NCOA2: variants seen among roughly 807,000 people sequenced by gnomAD.
NCOA2 encodes the protein class E basic helix-loop-helix protein 75.
Under a neutral mutation model 145.1 loss-of-function variants are expected in NCOA2, and 21 were observed. The ratio of observed to expected loss-of-function variants is 0.14; its 90% CI spans 0.10 to 0.21. The LOEUF (loss-of-function observed/expected upper bound fraction) is 0.21. Ranked by LOEUF, NCOA2 falls within the 10% of genes least tolerant of loss-of-function variation. The pLI is 1.00. For missense variants in NCOA2, 1,472 were observed against 1,837.6 expected (o/e 0.80, Z 3.64); for synonymous variants, 619 against 637.5 (o/e 0.97, Z 0.44).
rs538620050 is a variant in NCOA2, at chr8:70,218,086, C to T, written c.-19-1322G>A. Reference sequence around the variant, plus strand: ...GCAAGGAGGGCTAAGGAACATAACGCGTACCAGTCAAACCGCCAGGCCACT... The same window carrying T: ...GCAAGGAGGGCTAAGGAACATAACGTGTACCAGTCAAACCGCCAGGCCACT... On this transcript the variant is annotated intron_variant, in intron 2 of 22. Transcript: ENST00000452400. 9.2e-4 allele frequency among the ~76,000 whole-genome samples: 140 copies of T among 152,104 alleles called. 1 individual carries two copies. The highest frequency in any genetic ancestry group is 3.0e-3 in the African/African-American group (125 of 41,494).
chr8:70,341,678 G>T (rs1318279160), intron 1 of NCOA2, among the ~76,000 whole-genome samples: 1 of 152,078 alleles, frequency 6.6e-6, no homozygotes, highest in Non-Finnish European at 1.5e-5. Flanking sequence ...CTCTTATTTA[G>T]TACTTAAAAT....
At chr8:70,378,570 A>G (rs1464665494) in intron 1 of NCOA2, among the ~76,000 whole-genome samples, 1 of 152,040 alleles carries the variant, frequency 6.6e-6, no homozygotes, top group Admixed American at 6.6e-5. Context: ...AGCAACTCCA[A>G]ATATAGTTTC....
chr8:70,397,836 C>T (rs1485939726), intron 1 of NCOA2, among the ~76,000 whole-genome samples: 3 of 152,172 alleles, frequency 2.0e-5, no homozygotes, highest in African/African-American at 2.4e-5. Flanking sequence ...ATTTCAACCC[C>T]ATTTTCAGGG....
intron 2 of NCOA2, among the ~76,000 whole-genome samples, chr8:70,263,807 C>T (rs1824346003): frequency 6.6e-6 from 1 of 151,948 alleles, no homozygotes; most frequent in Admixed American, 6.6e-5. Context: ...AAGAAGGAAT[C>T]AGAATGGCCA....
At chr8:70,442,302 A>G in the NCOA2 span, among the ~76,000 whole-genome samples, 1 of 152,332 alleles carries the variant, frequency 6.6e-6, no homozygotes, top group African/African-American at 2.4e-5. Flanking sequence ...CTAGATGTAT[A>G]GAAGTAAACT....
chr8:70,326,471 ATG>A (rs1491066163), intron 1 of NCOA2, among the ~76,000 whole-genome samples: 18 of 149,326 alleles, frequency 1.2e-4, no homozygotes, highest in Admixed American at 6.0e-4. Flanking sequence ...ACACACACAC[ATG>A]CACACACACA....
chr8:70,197,205 G>T (rs1200531233), intron 4 of NCOA2, among the ~76,000 whole-genome samples: 1 of 152,062 alleles, frequency 6.6e-6, no homozygotes, highest in Non-Finnish European at 1.5e-5. Flanking sequence ...ATATACTCCC[G>T]GAGATCAAAA....
chr8:70,167,507 T>C (rs2132550922), intron 6 of NCOA2, among the ~76,000 whole-genome samples: 1 of 152,298 alleles, frequency 6.6e-6, no homozygotes, highest in South Asian at 2.1e-4. Flanking sequence ...TACTCCCCCA[T>C]ACTGCCTCCT....
chr8:70,170,266 T>C lies in NCOA2; in HGVS notation c.477A>G (p.Val159=), dbSNP rs1814100923. The change falls in exon 6 of 23, where the codon GTA becomes GTG. Residue 159 remains valine, a synonymous_variant. Transcript: ENST00000452400. ...GGTCCCCAACATGCAAGATGCTATATACACTTTTGTTCATCAGCTCTTCTT... is the reference window on the plus strand; with the variant it reads ...GGTCCCCAACATGCAAGATGCTATACACACTTTTGTTCATCAGCTCTTCTT... ...YNQEELMNKS[V]YSILHVGDHT... 1 of 1,613,106 alleles carries C rather than the reference T, an allele frequency of 6.2e-7. No homozygotes were observed. Among genetic ancestry groups the C allele is most frequent in the Non-Finnish European group, 8.5e-7 (1 of 1,179,610 alleles).
intron 1 of NCOA2, among the ~76,000 whole-genome samples, chr8:70,374,428 C>T (rs943752157): frequency 3.0e-4 from 45 of 150,722 alleles, no homozygotes; most frequent in African/African-American, 9.8e-4. Flanking sequence ...GCTAAGATCA[C>T]GCCACAGCAT....
At chr8:70,368,217 G>C (rs1187383873) in intron 1 of NCOA2, among the ~76,000 whole-genome samples, 1 of 152,180 alleles carries the variant, frequency 6.6e-6, no homozygotes, top group Non-Finnish European at 1.5e-5. Context: ...AGCATATATA[G>C]GACGTGGACA....
chr8:70,434,510 T>C, the NCOA2 span, among the ~76,000 whole-genome samples: 71 of 152,346 alleles, frequency 4.7e-4, no homozygotes, highest in South Asian at 2.3e-3. Context: ...CATTATTAAA[T>C]AGGAGTTATG....
chr8:70,341,587 AG>A (rs1295906559), intron 1 of NCOA2, among the ~76,000 whole-genome samples: 1 of 152,196 alleles, frequency 6.6e-6, no homozygotes, highest in Non-Finnish European at 1.5e-5. Context: ...TGCATGCCTG[AG>A]GGAAAAAAGC....
intron 2 of NCOA2, among the ~76,000 whole-genome samples, chr8:70,234,949 A>G (rs55678948): frequency 0.056 from 8,530 of 152,260 alleles, 803 homozygotes; most frequent in African/African-American, 0.2. Context: ...TTCCATTGCC[A>G]TACAATCCAT....
the NCOA2 span, among the ~76,000 whole-genome samples, chr8:70,439,654 G>A: frequency 1.4e-5 from 2 of 139,038 alleles, no homozygotes; most frequent in East Asian, 4.6e-4. Context: ...TAAGAAAATA[G>A]CAGAGGCATT....
In NCOA2 at chr8:70,128,847, T is replaced by G. The variant is rs1015280944; in HGVS notation, c.3458A>C (p.Asp1153Ala). 2 of 1,614,014 alleles carry G rather than the reference T, an allele frequency of 1.2e-6. No homozygotes were observed. The highest frequency in any genetic ancestry group is 2.2e-5 in the South Asian group (2 of 91,084). Residue 1153 changes from aspartate to alanine, a missense_variant, in exon 17 of 23, where the codon GAT becomes GCT. This residue lies in a region of NCOA2 where 953 missense variants were observed against 1,062.1 expected (regional missense o/e 0.90). Transcript: ENST00000452400. ...CTGTCCCATGGTGTGAAAGTTTGGA[T>G]CTTGCATGGGAGAATAGCTACCCTG... ...MAQGSYSPMQ[D>A]PNFHTMGQRP...
chr8:70,189,512 C>T (rs1374099039), intron 4 of NCOA2, among the ~76,000 whole-genome samples: 1 of 152,186 alleles, frequency 6.6e-6, no homozygotes, highest in Non-Finnish European at 1.5e-5. Flanking sequence ...CCAAGTGACC[C>T]ACACTCTGGA....
chr8:70,434,162 G>A, the NCOA2 span, among the ~76,000 whole-genome samples: 1 of 152,210 alleles, frequency 6.6e-6, no homozygotes, highest in East Asian at 1.9e-4. Flanking sequence ...AATAGGGAAA[G>A]TGCCAGGCAG....
the NCOA2 span, among the ~76,000 whole-genome samples, chr8:70,422,397 C>T: frequency 3.3e-5 from 5 of 149,998 alleles, no homozygotes; most frequent in African/African-American, 7.5e-5. Context: ...TCTCAAAATG[C>T]TGTGTTTTTT....
Sources: gnomAD v4.1 joint callset for allele counts (sites outside exome capture counted in the v4.1 genomes callset) on GRCh38, gnomAD v4.1.1 for gene constraint, gnomAD v4.1.1 regional missense constraint, MANE v1.5 for transcripts, NCBI Gene and HGNC (gene_info 2026-07-23, HGNC 2026-07-21) for gene names.